ARL17B: variants seen among roughly 807,000 people sequenced by gnomAD.
The protein encoded by ARL17B is ARF like GTPase 17B, also known as ADP-ribosylation factor-like protein 17.
chr17:46,330,877 T>C (rs753332590), downstream of ARL17B: 12 of 722,902 alleles, frequency 1.7e-5, no homozygotes, highest in African/African-American at 2.1e-4. Context: ...TGGAGAACGC[T>C]GCCGAAGAAA....
chr17:46,350,227 A>C (rs1485299071), intron 3 of ARL17B, among the ~76,000 whole-genome samples: 2 of 78,556 alleles, frequency 2.5e-5, no homozygotes, highest in Non-Finnish European at 7.0e-5. Flanking sequence ...ATGATGAAAA[A>C]ATTGTGGAAC....
At chr17:46,310,307 TAGGTAATTTGCTA>T (rs2050723459) in intron 3 of ARL17B, 1 of 129,438 alleles carries the variant, frequency 7.7e-6, no homozygotes, top group African/African-American at 2.6e-5. Context: ...TCAGAGACGC[TAGGTAATTTGCTA>T]AGGTTCACAT....
At chr17:46,291,686 C>G (rs1284231498) in intron 4 of ARL17B, among the ~76,000 whole-genome samples, 2 of 151,870 alleles carry the variant, frequency 1.3e-5, no homozygotes, top group Non-Finnish European at 2.9e-5. Flanking sequence ...TTTGGGAAGT[C>G]GAGGAAGGAG....
chr17:46,280,078 A>C (rs2049719508), intron 4 of ARL17B, among the ~76,000 whole-genome samples: 1 of 152,198 alleles, frequency 6.6e-6, no homozygotes, highest in Admixed American at 6.5e-5. Flanking sequence ...AACCCAAATA[A>C]ATAAAAATGT....
intron 4 of ARL17B, among the ~76,000 whole-genome samples, chr17:46,279,139 T>C (rs1273273100): frequency 1.3e-5 from 2 of 152,140 alleles, no homozygotes; most frequent in Non-Finnish European, 2.9e-5. Context: ...TAAATATTTT[T>C]CTCTATACCA....
At chr17:46,322,108 TC>T (rs2051419206) in intron 3 of ARL17B, among the ~76,000 whole-genome samples, 1 of 45,870 alleles carries the variant, frequency 2.2e-5, no homozygotes, top group South Asian at 1.0e-3. Flanking sequence ...TCCTTGTAGT[TC>T]TTCCCCGCGT....
chr17:46,278,401 GT>G (rs1464305633), intron 4 of ARL17B, among the ~76,000 whole-genome samples: 6 of 129,626 alleles, frequency 4.6e-5, no homozygotes, highest in South Asian at 2.2e-4. Flanking sequence ...GTTTTATTTT[GT>G]TTTTTTTTTG....
chr17:46,276,790 C>CTTTTTTTTTTTTTTTTT (rs75549659), intron 4 of ARL17B, among the ~76,000 whole-genome samples: 28 of 134,270 alleles, frequency 2.1e-4, no homozygotes, highest in Non-Finnish European at 3.1e-4. Context: ...TTCTTTTTTT[C>CTTTTTTTTTTTTTTTTT]TTTTTTTTTT....
At chr17:46,331,426 A>G (rs147486645), downstream of ARL17B, 503 of 1,227,412 alleles carry the variant, frequency 4.1e-4, 101 homozygotes, top group African/African-American at 7.6e-3. Flanking sequence ...AACATTTTAT[A>G]GAGAAGAATA....
chr17:46,276,970 AT>A (rs1393447815), intron 4 of ARL17B, among the ~76,000 whole-genome samples: 1 of 151,618 alleles, frequency 6.6e-6, no homozygotes, highest in African/African-American at 2.4e-5. Context: ...TGCTCAGCTA[AT>A]TTTTTGTATT....
At chr17:46,290,772 T>G (rs1313553284) in intron 4 of ARL17B, among the ~76,000 whole-genome samples, 1 of 152,248 alleles carries the variant, frequency 6.6e-6, no homozygotes, top group African/African-American at 2.4e-5. Flanking sequence ...TTATAGATTC[T>G]AAAGCAGAGA....
intron 4 of ARL17B, among the ~76,000 whole-genome samples, chr17:46,279,184 CTTT>C (rs1189159774): frequency 2.7e-4 from 37 of 136,946 alleles, no homozygotes; most frequent in Admixed American, 3.6e-4. Context: ...TCTTTTTTTT[CTTT>C]TTTTTTTTTT....
chr17:46,284,118 G>A (rs2049844138), intron 4 of ARL17B, among the ~76,000 whole-genome samples: 3 of 152,228 alleles, frequency 2.0e-5, no homozygotes, highest in Admixed American at 2.0e-4. Flanking sequence ...ACTGCAAAGA[G>A]GCATTCCTTC....
intron 3 of ARL17B, among the ~76,000 whole-genome samples, chr17:46,327,068 C>A (rs1370706021): frequency 1.2e-5 from 1 of 86,264 alleles, no homozygotes; most frequent in Non-Finnish European, 3.4e-5. Context: ...TTTCTTTGAT[C>A]TTCCATGACA....
At chr17:46,275,120 G>A (rs1312937303) in exon 5 of ARL17B, 20 of 234,668 alleles carry the variant, frequency 8.5e-5, no homozygotes, top group Admixed American at 3.5e-4. Context: ...TCGAACTCCC[G>A]ACCTCAGATG....
intron 4 of ARL17B, among the ~76,000 whole-genome samples, chr17:46,285,294 G>T (rs1220538117): frequency 4.7e-5 from 7 of 148,062 alleles, no homozygotes; most frequent in South Asian, 4.2e-4. Context: ...GAGCTGGAGT[G>T]CCATGGCTCG....
intron 4 of ARL17B, among the ~76,000 whole-genome samples, chr17:46,284,565 T>G (rs577279843): frequency 3.5e-4 from 53 of 152,354 alleles, no homozygotes; most frequent in African/African-American, 1.2e-3. Flanking sequence ...ATCTGATCTC[T>G]CTTTCTTTTC....
In ARL17B at chr17:46,279,500, CTTTTTTTTTT is replaced by C. The variant is rs369361891; in HGVS notation, c.*22-4092_*22-4083del. ...CACCTGGCCTTTTTTTTCTTTCTTT[CTTTTTTTTTT>C]TTTTTTTTTGAGATAGGGTCTTGTT... On this transcript the variant is annotated intron_variant, in intron 4 of 4. Transcript: ENST00000570618. Among the ~76,000 whole-genome samples the C allele has an allele frequency of 8.2e-5, 10 of 122,438 alleles. No individual in the cohort carries two copies. In the East Asian group the frequency reaches 2.2e-3, roughly 27 times the overall value. 80.3% of individuals were successfully genotyped at this position (122,438 alleles called of 152,430 possible). A position where few individuals can be genotyped will look rare whatever the true frequency, so the allele number is the denominator to read the frequency against.
chr17:46,333,030 T>C (rs1160960942), downstream of ARL17B, among the ~76,000 whole-genome samples: 1 of 138,974 alleles, frequency 7.2e-6, no homozygotes. Context: ...AGGTATAATC[T>C]CCACCCTCAC....
Sources: gnomAD v4.1 joint callset for allele counts (sites outside exome capture counted in the v4.1 genomes callset) on GRCh38, gnomAD v4.1.1 for gene constraint, MANE v1.5 for transcripts, NCBI Gene and HGNC (gene_info 2026-07-23, HGNC 2026-07-21) for gene names.